Variants in EPG5 observed in about 807,000 individuals in gnomAD.
The protein encoded by EPG5 is ectopic P granules protein 5 homolog.
In EPG5, 159 loss-of-function variants were observed where a neutral mutation model predicts 302.7. The observed-to-expected ratio is 0.53, with a 90% CI of 0.46 to 0.60. EPG5 has a LOEUF of 0.60. Among genes scored for constraint, EPG5 ranks in the 20% least tolerant of loss-of-function variants. The pLI is 0.00. For synonymous variants in EPG5, 1,158 were observed against 1,136.8 expected (o/e 1.02, Z -0.37); for missense variants, 2,896 against 3,092.4 (o/e 0.94, Z 1.51).
intron 26 of EPG5, among the ~76,000 whole-genome samples, chr18:45,899,942 C>T (rs1340471171): frequency 1.3e-5 from 2 of 152,164 alleles, no homozygotes; most frequent in Non-Finnish European, 2.9e-5. Flanking sequence ...ATTAGCAACT[C>T]AAAACGAAAT....
the EPG5 span, among the ~76,000 whole-genome samples, chr18:45,812,595 G>C: frequency 6.6e-6 from 1 of 151,910 alleles, no homozygotes; most frequent in African/African-American, 2.4e-5. Flanking sequence ...AACAGAACAG[G>C]GCCCTCAGAA....
At chr18:45,883,219 T>G (rs1050031347) in intron 30 of EPG5, among the ~76,000 whole-genome samples, 1 of 152,068 alleles carries the variant, frequency 6.6e-6, no homozygotes, top group African/African-American at 2.4e-5. Context: ...ATAAGTTTCC[T>G]CTCCAAGAAC....
At chr18:45,888,000 T>C in intron 28 of EPG5, 93 bp from the exon 29 acceptor site, 1 of 1,005,874 alleles carries the variant, frequency 9.9e-7, no homozygotes, top group South Asian at 2.9e-5. Flanking sequence ...TCAGGCAATA[T>C]TCTTAAGAAT....
At chr18:45,930,349 C>T (rs898566958) in intron 12 of EPG5, among the ~76,000 whole-genome samples, 1 of 152,056 alleles carries the variant, frequency 6.6e-6, no homozygotes, top group Non-Finnish European at 1.5e-5. Context: ...CTGCTACTAG[C>T]CAGAGTGGAA....
the EPG5 span, among the ~76,000 whole-genome samples, chr18:45,830,456 G>T: frequency 1.5e-4 from 23 of 152,308 alleles, no homozygotes; most frequent in East Asian, 4.4e-3. Flanking sequence ...TCACTGCAAG[G>T]AGGCATGAAG....
the EPG5 span, among the ~76,000 whole-genome samples, chr18:45,807,713 CA>C: frequency 9.2e-5 from 14 of 151,686 alleles, no homozygotes; most frequent in Admixed American, 8.5e-4. Flanking sequence ...CCCTGTGGGA[CA>C]AAAAAAATCT....
intron 1 of EPG5, among the ~76,000 whole-genome samples, chr18:45,959,168 T>A (rs1295883794): frequency 1.3e-5 from 2 of 152,192 alleles, no homozygotes; most frequent in African/African-American, 4.8e-5. Flanking sequence ...GCGGGCAAGG[T>A]GAACCCCTTG....
At chr18:45,917,598 C>T in intron 17 of EPG5, 81 bp downstream of exon 17, 1 of 1,540,020 alleles carries the variant, frequency 6.5e-7, no homozygotes. Context: ...CTTTATTTTA[C>T]TTAAGAAACC....
In EPG5 at chr18:45,882,341, G is replaced by A; in HGVS notation, c.5451C>T (p.His1817=). 2 of 1,614,198 alleles carry A rather than the reference G, an allele frequency of 1.2e-6. No individual in the cohort carries two copies. Among genetic ancestry groups the A allele is most frequent in the Non-Finnish European group, 1.7e-6 (2 of 1,180,038 alleles). ...ACTGGTAGAGAAGAAGATAAGTCCA[G>A]TGCTTACAGAAAAGATTAAATGGCA... ...ILMPFNLFCK[H]WTYLLLYQFP... The change falls in exon 31 of 44, where the codon CAC becomes CAT. Residue 1817 remains histidine, a synonymous_variant. Coordinates refer to ENST00000282041, the MANE Select transcript of EPG5 (RefSeq NM_020964.3).
chr18:45,964,054 C>T (rs539841613), intron 1 of EPG5, among the ~76,000 whole-genome samples: 1 of 152,104 alleles, frequency 6.6e-6, no homozygotes, highest in South Asian at 2.1e-4. Context: ...AAATAAAGGC[C>T]TCTTCATAAA....
In EPG5 at chr18:45,910,679, C is replaced by A. The variant is rs1353924182; in HGVS notation, c.4047G>T (p.Leu1349Phe). 1 of 1,614,136 alleles carries A rather than the reference C, an allele frequency of 6.2e-7. No individual in the cohort carries two copies. The highest frequency in any genetic ancestry group is 1.7e-5 in the Admixed American group (1 of 60,008). The change falls in exon 23 of 44, where the codon TTG becomes TTT. Residue 1349 changes from leucine to phenylalanine, a missense_variant. Physicochemically the swap from Leu to Phe is conservative, Grantham distance 22 (BLOSUM62 0). Around this residue, in one of 5 missense-constraint regions of EPG5, gnomAD observed 790 missense variants for 798.0 expected, o/e 0.99. Coordinates refer to ENST00000282041, the MANE Select transcript of EPG5 (RefSeq NM_020964.3). Reference sequence around the variant, plus strand: ...CGGTCAAACGTCTCTTCATTTCTTTCAACAAATTGATATGAGCAGGACTTT... The same window carrying A: ...CGGTCAAACGTCTCTTCATTTCTTTAAACAAATTGATATGAGCAGGACTTT... ...FFQSPAHINL[L>F]KEMKRRLTEV... is the part of the protein sequence containing the mutation.
the EPG5 span, among the ~76,000 whole-genome samples, chr18:45,833,509 T>C: frequency 6.6e-6 from 1 of 152,006 alleles, no homozygotes; most frequent in Non-Finnish European, 1.5e-5. Flanking sequence ...GACGGGGTTT[T>C]ACCATGTTAG....
Position 45,858,552 on chromosome 18 carries a change from G to C in EPG5, c.7226+14C>G. Reference sequence around the variant, plus strand: ...TACAGCAAGTTTGATGTAACAGCCTGAGGGCCAACGTACCTTGGGTACACC... The same window carrying C: ...TACAGCAAGTTTGATGTAACAGCCTCAGGGCCAACGTACCTTGGGTACACC... On this transcript the variant is annotated intron_variant, in intron 41 of 43. Transcript: ENST00000282041. 1 of 1,606,222 alleles carries C rather than the reference G, an allele frequency of 6.2e-7. No individual in the cohort carries two copies. The highest frequency in any genetic ancestry group is 8.5e-7 in the Non-Finnish European group (1 of 1,173,056).
In EPG5 at chr18:45,915,503, T is replaced by C. The variant is rs367663640; in HGVS notation, c.3693+8A>G. The C allele has an allele frequency of 6.5e-5, 103 of 1,585,018 alleles. No individual in the cohort carries two copies. Among genetic ancestry groups the C allele is most frequent in the Non-Finnish European group, 8.0e-5 (92 of 1,153,946 alleles). Reference sequence around the variant, plus strand: ...GATAACAAATGATCCTCTCAGTGAGTTTCCTACCTGAGTGGGCGTGGCCAA... The same window carrying C: ...GATAACAAATGATCCTCTCAGTGAGCTTCCTACCTGAGTGGGCGTGGCCAA... On this transcript the variant is annotated splice_region_variant and intron_variant, in intron 20 of 43. Coordinates refer to ENST00000282041, the MANE Select transcript of EPG5 (RefSeq NM_020964.3).
intron 36 of EPG5, 87 bp downstream of exon 36, chr18:45,870,480 G>T: frequency 8.3e-7 from 1 of 1,203,352 alleles, no homozygotes; most frequent in Non-Finnish European, 1.2e-6. Context: ...AGCACACACT[G>T]CCACTATGCC....
At chr18:45,811,576 G>T in the EPG5 span, among the ~76,000 whole-genome samples, 1 of 152,192 alleles carries the variant, frequency 6.6e-6, no homozygotes, top group Non-Finnish European at 1.5e-5. Context: ...CCATGATCAA[G>T]TGGACTTCAT....
the EPG5 span, among the ~76,000 whole-genome samples, chr18:45,819,134 C>G: frequency 6.6e-6 from 1 of 152,292 alleles, no homozygotes; most frequent in Non-Finnish European, 1.5e-5. Context: ...TTAGAAATAT[C>G]TCCATTTCAT....
intron 27 of EPG5, among the ~76,000 whole-genome samples, chr18:45,898,981 C>T (rs938773154): frequency 3.3e-5 from 5 of 152,062 alleles, no homozygotes; most frequent in African/African-American, 1.2e-4. Context: ...AGAAATTAGC[C>T]GGGCGTGGTG....
chr18:45,876,782 TA>T (rs2048979010), intron 34 of EPG5, among the ~76,000 whole-genome samples: 1 of 150,142 alleles, frequency 6.7e-6, no homozygotes, highest in Admixed American at 6.6e-5. Flanking sequence ...AATGAGCAAA[TA>T]AAATTTTTTT....
Sources: gnomAD v4.1 joint callset for allele counts (sites outside exome capture counted in the v4.1 genomes callset) on GRCh38, gnomAD v4.1.1 for gene constraint, gnomAD v4.1.1 regional missense constraint, MANE v1.5 for transcripts, NCBI Gene and HGNC (gene_info 2026-07-23, HGNC 2026-07-21) for gene names.